The following C3orf70 variants were observed in gnomAD, a reference collection of about 807,000 sequenced individuals.
C3orf70 encodes chromosome 3 open reading frame 70, also known as UPF0524 protein C3orf70.
In C3orf70, 15 loss-of-function variants were observed where a neutral mutation model predicts 20.7. That is an observed-to-expected ratio of 0.72 (90% CI 0.48 to 1.11). C3orf70 has a LOEUF of 1.11. Ranked by LOEUF, C3orf70 falls within the 50% of genes most tolerant of loss-of-function variation. The pLI is 0.00. For synonymous variants in C3orf70, 161 were observed against 125.7 expected (o/e 1.28, Z -1.88); for missense variants, 332 against 317.6 (o/e 1.05, Z -0.34).
In C3orf70 at chr3:185,081,888, A is replaced by G. The variant is rs1715346449; in HGVS notation, c.*1119T>C. 6.5e-6 allele frequency: 1 copy of G among 152,698 alleles called. No individual in the cohort carries two copies. The highest frequency in any genetic ancestry group is 1.9e-4 in the East Asian group (1 of 5,204). 9.5% of individuals were successfully genotyped at this position (152,698 alleles called of 1,614,324 possible). ...TTCTAATCCATTCCTCACTTAAACC[A>G]TACGAATGCTTCATACAACCAAATG... On this transcript the variant is annotated 3_prime_UTR_variant, in exon 2 of 2. Transcript: ENST00000335012.
chr3:185,113,470 T>G (rs1244065356), intron 1 of C3orf70, among the ~76,000 whole-genome samples: 1 of 152,136 alleles, frequency 6.6e-6, no homozygotes, highest in Non-Finnish European at 1.5e-5. Flanking sequence ...GATTCCTGCC[T>G]CACCTGAGGT....
At chr3:185,097,629 T>A (rs1450005581) in intron 1 of C3orf70, among the ~76,000 whole-genome samples, 1 of 152,206 alleles carries the variant, frequency 6.6e-6, no homozygotes, top group Non-Finnish European at 1.5e-5. Flanking sequence ...GCCTTATGAA[T>A]GAGAGCAGAG....
intron 1 of C3orf70, among the ~76,000 whole-genome samples, chr3:185,121,677 A>T (rs1380071118): frequency 6.6e-6 from 1 of 152,170 alleles, no homozygotes; most frequent in Non-Finnish European, 1.5e-5. Context: ...GAAGTTGGAG[A>T]AGTAGTAAGG....
rs1376182983 is a variant in C3orf70 at position 185,079,325 on chromosome 3, A to G, written c.*3682T>C. On this transcript the variant is annotated 3_prime_UTR_variant, in exon 2 of 2. Coordinates refer to ENST00000335012, the MANE Select transcript of C3orf70 (RefSeq NM_001025266.3). ...AAAAAGTAAAGCCACCACTCCCAAG[A>G]TAGAATCAAATCCAAAAAGTATTTC... 3 of 150,850 alleles carry G rather than the reference A, an allele frequency of 2.0e-5. No individual in the cohort carries two copies. The highest frequency in any genetic ancestry group is 2.9e-5 in the Non-Finnish European group (2 of 67,840). The allele number at this position is 150,850 out of a possible 1,614,324, so 9.3% of individuals were successfully genotyped here.
intron 1 of C3orf70, among the ~76,000 whole-genome samples, chr3:185,096,633 G>T (rs183787380): frequency 2.6e-5 from 4 of 152,280 alleles, no homozygotes; most frequent in Admixed American, 2.0e-4. Flanking sequence ...GGGCTCTGCC[G>T]CTGCTGGCTG....
chr3:185,109,724 A>G lies in C3orf70; in HGVS notation c.197-26161T>C, dbSNP rs538111841. On this transcript the variant is annotated intron_variant, in intron 1 of 1. Coordinates refer to ENST00000335012, the MANE Select transcript of C3orf70 (RefSeq NM_001025266.3). ...GCATATTTATCCATTTTGGCTGGCA[A>G]TAATGCCTGGATGTAATCACTCTAT... Among the ~76,000 whole-genome samples, 6 of 152,328 alleles carry G rather than the reference A, an allele frequency of 3.9e-5. No homozygotes were observed. The South Asian group carries it at 1.2e-3, about 32-fold the overall frequency.
At chr3:185,107,889 G>A (rs924917734) in intron 1 of C3orf70, among the ~76,000 whole-genome samples, 1 of 151,752 alleles carries the variant, frequency 6.6e-6, no homozygotes, top group South Asian at 2.1e-4. Flanking sequence ...ACCTACAGGT[G>A]TTATTGTCCA....
chr3:185,090,901 A>C (rs1471520737), intron 1 of C3orf70, among the ~76,000 whole-genome samples: 1 of 152,218 alleles, frequency 6.6e-6, no homozygotes, highest in Non-Finnish European at 1.5e-5. Context: ...TATATGCAAG[A>C]TCCTAGTTCC....
intron 1 of C3orf70, among the ~76,000 whole-genome samples, chr3:185,133,385 T>C (rs1255840386): frequency 6.6e-6 from 1 of 152,236 alleles, no homozygotes; most frequent in African/African-American, 2.4e-5. Context: ...CAATGAAACA[T>C]TATTTGTAAA....
chr3:185,131,501 T>C (rs183753738), intron 1 of C3orf70, among the ~76,000 whole-genome samples: 1 of 152,352 alleles, frequency 6.6e-6, no homozygotes, highest in East Asian at 1.9e-4. Context: ...TCCATGTTGT[T>C]CAAAACAAAC....
chr3:185,126,269 C>A (rs951308655), intron 1 of C3orf70, among the ~76,000 whole-genome samples: 6 of 152,144 alleles, frequency 3.9e-5, no homozygotes, highest in Admixed American at 3.3e-4. Flanking sequence ...TAAGTTCAGG[C>A]TGCCAATGTC....
At chr3:185,152,552 C>T in intron 1 of C3orf70, 76 bp downstream of exon 1, 1 of 1,373,666 alleles carries the variant, frequency 7.3e-7, no homozygotes, top group Non-Finnish European at 9.8e-7. Context: ...CCGCAGAGTT[C>T]CGGCAGCGAC....
At position 185,152,746 on chromosome 3, in the gene C3orf70, C is replaced by G. The variant is rs772198995; in HGVS notation, c.78G>C (p.Arg26=). 6.3e-7 allele frequency: 1 copy of G among 1,594,492 alleles called. No individual in the cohort carries two copies. Among genetic ancestry groups the G allele is most frequent in the Admixed American group, 1.7e-5 (1 of 58,020 alleles). The change falls in exon 1 of 2, where the codon CGG becomes CGC. Residue 26 remains arginine (R), a synonymous_variant. Transcript: ENST00000335012. The stretch of plus-strand genomic sequence containing the variant: ...AGTCGGGTCTGCGGGCGGCGCAACT[C>G]CGCGCCAGGGCCTGAGCCTCATCTA... ...EKLDEAQALA[R]SCAARRPDFQ... is the part of the protein sequence containing the mutation.
rs374017348 is a variant in C3orf70, at chr3:185,107,935, C to T, written c.197-24372G>A. On this transcript the variant is annotated intron_variant, in intron 1 of 1. Coordinates refer to ENST00000335012, the MANE Select transcript of C3orf70 (RefSeq NM_001025266.3). ...TTAGTAAGAGTGGCTTTTTCTTCCA[C>T]ATACTAATTCACGGACTCTAACTCC... is the stretch of plus-strand genomic sequence containing the variant. Among the ~76,000 whole-genome samples, 7 of 152,198 alleles carry T rather than the reference C, an allele frequency of 4.6e-5. No homozygotes were observed. The East Asian group carries it at 5.8e-4, about 13-fold the overall frequency.
At chr3:185,088,640 G>A (rs114054149) in intron 1 of C3orf70, among the ~76,000 whole-genome samples, 12 of 152,036 alleles carry the variant, frequency 7.9e-5, no homozygotes, top group African/African-American at 1.9e-4. Context: ...GATAAACTTC[G>A]TTACAGGTGA....
At chr3:185,093,910 A>G (rs751357765) in intron 1 of C3orf70, among the ~76,000 whole-genome samples, 3 of 151,854 alleles carry the variant, frequency 2.0e-5, no homozygotes, top group Non-Finnish European at 4.4e-5. Flanking sequence ...TGGTTCGAGG[A>G]CCACCCCACC....
At position 185,152,980 on chromosome 3, in the gene C3orf70, C is replaced by A; in HGVS notation, c.-157G>T. The A allele has an allele frequency of 2.0e-6, 1 of 499,346 alleles. No homozygotes were observed. Among genetic ancestry groups the A allele is most frequent in the Non-Finnish European group, 3.0e-6 (1 of 335,630 alleles). The allele number at this position is 499,346 out of a possible 1,614,324, so 30.9% of individuals were successfully genotyped here. A position where few individuals can be genotyped will look rare whatever the true frequency, so the allele number is the denominator to read the frequency against. On this transcript the variant is annotated 5_prime_UTR_variant, in exon 1 of 2. Transcript: ENST00000335012. ...GGCGGGAGCGCGGCGGTCCCAGGCT[C>A]GAGGAGGAGCCGCCCCGGGCGCTGC...
chr3:185,122,004 C>CATGAATTACT (rs1305996166), intron 1 of C3orf70, among the ~76,000 whole-genome samples: 8 of 149,402 alleles, frequency 5.4e-5, no homozygotes, highest in African/African-American at 1.7e-4. Flanking sequence ...GAAGCGGAGG[C>CATGAATTACT]AGGAGAATGG....
intron 1 of C3orf70, among the ~76,000 whole-genome samples, chr3:185,118,626 A>G (rs1716231133): frequency 6.6e-6 from 1 of 152,210 alleles, no homozygotes; most frequent in Admixed American, 6.5e-5. Context: ...AAGCCCTAAC[A>G]TTTAAATTAC....
Sources: gnomAD v4.1 joint callset for allele counts (sites outside exome capture counted in the v4.1 genomes callset) on GRCh38, gnomAD v4.1.1 for gene constraint, MANE v1.5 for transcripts, NCBI Gene and HGNC (gene_info 2026-07-23, HGNC 2026-07-21) for gene names.